ENTHD1: variants seen among roughly 807,000 people sequenced by gnomAD.
ENTHD1 encodes the protein ENTH domain-containing protein 1.
In ENTHD1, 23 loss-of-function variants were observed where a neutral mutation model predicts 39.1. The ratio of observed to expected loss-of-function variants is 0.59; its 90% CI spans 0.42 to 0.83. The LOEUF (loss-of-function observed/expected upper bound fraction) is 0.83, where lower values mean the gene tolerates loss of function less well. Ranked by LOEUF, ENTHD1 falls within the 40% of genes least tolerant of loss-of-function variation. The probability of loss-of-function intolerance (pLI) is 0.00; values close to 1 mark genes in which losing one functional copy is unlikely to be tolerated. For missense variants in ENTHD1, 624 were observed against 705.4 expected (o/e 0.88, Z 1.31); for synonymous variants, 230 against 258.2 (o/e 0.89, Z 1.05).
Position 39,821,058 on chromosome 22 carries a change from G to T in ENTHD1, c.767C>A (p.Pro256His). ...GCAAGTGATTGGAGAGACAATGGAA[G>T]GAGGTGTTGCTAGTAAAGGCAGCTC... The part of the protein sequence containing the change: ...DPELPLLATP[P>H]SIVSPITCLS... The change falls in exon 5 of 7, where the codon CCT becomes CAT. Residue 256 changes from proline (P) to histidine (H), a missense_variant. Pro to His is a moderately conservative substitution (Grantham distance 77, BLOSUM62 -2). Transcript: ENST00000325157. The T allele has an allele frequency of 6.2e-7, 1 of 1,614,046 alleles. No individual in the cohort carries two copies. Among genetic ancestry groups the T allele is most frequent in the Middle Eastern group, 1.6e-4 (1 of 6,062 alleles).
At chr22:39,888,576 C>T (rs1392860398) in intron 1 of ENTHD1, among the ~76,000 whole-genome samples, 1 of 151,992 alleles carries the variant, frequency 6.6e-6, no homozygotes, top group East Asian at 1.9e-4. Flanking sequence ...TACAGATGCA[C>T]GCCACCACAC....
chr22:39,773,117 CAAAAAAAAAAAAAA>C lies in ENTHD1; in HGVS notation c.833-7522_833-7509del, dbSNP rs57398699. Among the ~76,000 whole-genome samples, 48 of 36,128 alleles carry C rather than the reference CAAAAAAAAAAAAAA, an allele frequency of 1.3e-3. 1 individual carries two copies. Among genetic ancestry groups the C allele is most frequent in the South Asian group, 2.3e-3 (1 of 436 alleles). The allele number at this position is 36,128 out of a possible 152,430, so 23.7% of individuals were successfully genotyped here. A position where few individuals can be genotyped will look rare whatever the true frequency, so the allele number is the denominator to read the frequency against. On this transcript the variant is annotated intron_variant, in intron 5 of 6. Transcript: ENST00000325157. Reference sequence around the variant, plus strand: ...TGGGCAACATAGTGAGACCTCATCTCAAAAAAAAAAAAAAAAAAAAAAAAAAAAAGAACCTCAAG... The same window carrying C: ...TGGGCAACATAGTGAGACCTCATCTCAAAAAAAAAAAAAAAGAACCTCAAG...
intron 5 of ENTHD1, among the ~76,000 whole-genome samples, chr22:39,812,025 ACG>A (rs1569150751): frequency 1.3e-5 from 2 of 148,928 alleles, no homozygotes; most frequent in Non-Finnish European, 3.0e-5. Context: ...CAAAAAAAAA[ACG>A]ACATAGATGA....
chr22:39,882,500 T>C (rs1490713940), intron 2 of ENTHD1, among the ~76,000 whole-genome samples: 1 of 152,130 alleles, frequency 6.6e-6, no homozygotes, highest in East Asian at 1.9e-4. Context: ...CATTGAAGAT[T>C]AGGGAAATAA....
At position 39,746,273 on chromosome 22, in the gene ENTHD1, CT is replaced by C. The variant is rs1569121385; in HGVS notation, c.1220-1991del. On this transcript the variant is annotated intron_variant, in intron 6 of 6. Coordinates refer to ENST00000325157, the MANE Select transcript of ENTHD1 (RefSeq NM_152512.4). Reference sequence around the variant, plus strand: ...TAGCTTCCAATCCTCTCATTGATTGCTTATATTTCTGCTATTATATTTTTAA... The same window carrying C: ...TAGCTTCCAATCCTCTCATTGATTGCTATATTTCTGCTATTATATTTTTAA... Among the ~76,000 whole-genome samples the C allele has an allele frequency of 2.0e-5, 3 of 152,118 alleles. No individual in the cohort carries two copies. The East Asian group carries it at 5.8e-4, about 29-fold the overall frequency.
chr22:39,752,142 T>C (rs1481200760), intron 6 of ENTHD1, among the ~76,000 whole-genome samples: 1 of 152,184 alleles, frequency 6.6e-6, no homozygotes, highest in African/African-American at 2.4e-5. Flanking sequence ...CTATATACTA[T>C]ATACTTTTTG....
chr22:39,830,912 G>A (rs576257602), intron 4 of ENTHD1, among the ~76,000 whole-genome samples: 6 of 152,218 alleles, frequency 3.9e-5, no homozygotes, highest in African/African-American at 1.4e-4. Context: ...AAATGCAAAT[G>A]TGAAAATTAA....
intron 2 of ENTHD1, among the ~76,000 whole-genome samples, chr22:39,868,906 A>G (rs946091560): frequency 5.9e-5 from 9 of 152,250 alleles, no homozygotes; most frequent in African/African-American, 2.2e-4. Flanking sequence ...AATGCAAAGC[A>G]AAACCACAAT....
intron 6 of ENTHD1, among the ~76,000 whole-genome samples, chr22:39,755,586 C>T (rs2065178725): frequency 6.6e-6 from 1 of 152,044 alleles, no homozygotes; most frequent in African/African-American, 2.4e-5. Flanking sequence ...CATTCCTTTG[C>T]TTGGAATGCC....
chr22:39,809,430 A>T (rs746524931), intron 5 of ENTHD1, among the ~76,000 whole-genome samples: 3 of 152,290 alleles, frequency 2.0e-5, no homozygotes, highest in Middle Eastern at 6.8e-3. Context: ...ATTTTGAATA[A>T]AATGTCCAGG....
intron 2 of ENTHD1, among the ~76,000 whole-genome samples, chr22:39,878,758 C>T (rs193105715): frequency 6.6e-6 from 1 of 151,738 alleles, no homozygotes; most frequent in Admixed American, 6.6e-5. Flanking sequence ...TGAACTGCAT[C>T]AGAAAAGGAA....
intron 6 of ENTHD1, among the ~76,000 whole-genome samples, chr22:39,749,422 TATACTC>T (rs1569123092): frequency 6.6e-6 from 1 of 152,266 alleles, no homozygotes; most frequent in East Asian, 1.9e-4. Context: ...TTTAACTTAT[TATACTC>T]ATAAATAATA....
chr22:39,787,865 C>T lies in ENTHD1; in HGVS notation c.833-22256G>A, dbSNP rs189729831. Among the ~76,000 whole-genome samples the T allele has an allele frequency of 4.6e-5, 7 of 152,308 alleles. No individual in the cohort carries two copies. In the East Asian group the frequency reaches 1.4e-3, roughly 29 times the overall value. The stretch of plus-strand genomic sequence containing the variant: ...AATTGATGATGGTGGCTACACTAAA[C>T]AACAGATTTTCAATGTAGATGAAAC... On this transcript the variant is annotated intron_variant, in intron 5 of 6. Transcript: ENST00000325157.
chr22:39,833,808 G>A (rs1340149138), intron 4 of ENTHD1, among the ~76,000 whole-genome samples: 1 of 151,824 alleles, frequency 6.6e-6, no homozygotes, highest in African/African-American at 2.4e-5. Flanking sequence ...GGACTAAATA[G>A]AGATGAAAAA....
intron 5 of ENTHD1, among the ~76,000 whole-genome samples, chr22:39,777,605 G>A (rs1256279658): frequency 6.6e-6 from 1 of 152,136 alleles, no homozygotes; most frequent in East Asian, 1.9e-4. Flanking sequence ...TACAGATCTG[G>A]ACACATGTAA....
intron 2 of ENTHD1, among the ~76,000 whole-genome samples, chr22:39,868,541 A>C (rs2066209335): frequency 6.6e-6 from 1 of 152,160 alleles, no homozygotes; most frequent in Admixed American, 6.5e-5. Context: ...AAGCTAGAAA[A>C]CACCACGCTG....
At position 39,864,127 on chromosome 22, in the gene ENTHD1, T is replaced by C. The variant is rs1016341578; in HGVS notation, c.350-2120A>G. Among the ~76,000 whole-genome samples, 47 of 152,216 alleles carry C rather than the reference T, an allele frequency of 3.1e-4. 2 individuals carry two copies. Among genetic ancestry groups the C allele is most frequent in the Non-Finnish European group, 7.3e-5 (5 of 68,040 alleles). ...TGAATTTTAGCCTTTGGGAACAATATGTCAGACACTTATCTTTCCCCTGAA... is the reference window on the plus strand; with the variant it reads ...TGAATTTTAGCCTTTGGGAACAATACGTCAGACACTTATCTTTCCCCTGAA... On this transcript the variant is annotated intron_variant, in intron 2 of 6. Transcript: ENST00000325157.
intron 3 of ENTHD1, among the ~76,000 whole-genome samples, chr22:39,851,710 T>C (rs1165458735): frequency 6.6e-6 from 1 of 152,228 alleles, no homozygotes; most frequent in Non-Finnish European, 1.5e-5. Context: ...CAACTGCTCT[T>C]AAGCAACTCA....
chr22:39,891,818 C>T (rs549069539), intron 1 of ENTHD1, among the ~76,000 whole-genome samples: 1 of 152,002 alleles, frequency 6.6e-6, no homozygotes, highest in Non-Finnish European at 1.5e-5. Flanking sequence ...CGGGGTTTCA[C>T]CATATTGACC....
Sources: allele counts gnomAD v4.1 joint callset (sites outside exome capture counted in the v4.1 genomes callset), GRCh38; gene constraint gnomAD v4.1.1; transcripts MANE v1.5; gene names NCBI Gene and HGNC (gene_info 2026-07-23, HGNC 2026-07-21).